Variants in AIG1 observed in about 807,000 individuals in gnomAD.
AIG1 encodes the protein androgen-induced gene 1 protein.
Under a neutral mutation model 31.4 loss-of-function variants are expected in AIG1, and 23 were observed. The observed-to-expected ratio is 0.73, with a 90% CI of 0.53 to 1.04. The LOEUF (loss-of-function observed/expected upper bound fraction) is 1.04, where lower values mean the gene tolerates loss of function less well. AIG1 is among the 50% of genes least tolerant of loss of function. AIG1 has a pLI of 0.00. For synonymous variants in AIG1, 100 were observed against 110.5 expected, an observed-to-expected ratio of 0.90 and a Z score of 0.60; for missense variants, 274 against 295.0, an observed-to-expected ratio of 0.93 and a Z score of 0.52.
At chr6:143,295,775 T>G (rs2128692487) in intron 4 of AIG1, among the ~76,000 whole-genome samples, 1 of 152,256 alleles carries the variant, frequency 6.6e-6, no homozygotes, top group East Asian at 1.9e-4. Context: ...TAGTTGAAGT[T>G]TTGTGGTTAT....
At position 143,333,623 on chromosome 6, in the gene AIG1, A is replaced by C. The variant is rs2030066472; in HGVS notation, c.679+178A>C. On this transcript the variant is annotated intron_variant, in intron 5 of 5. Transcript: ENST00000357847. This position sits in a 1 kb window ranked among gnomAD's most constrained non-coding sequence, Gnocchi z 4.6. ...TTAAGAGCTGCTGACAGTTACCTGA[A>C]AGTTTTACTAGTCACTTGGTCTTGT... Among the ~76,000 whole-genome samples the C allele has an allele frequency of 6.6e-6, 1 of 152,188 alleles. No homozygotes were observed. Among genetic ancestry groups the C allele is most frequent in the African/African-American group, 2.4e-5 (1 of 41,450 alleles).
chr6:143,196,805 T>G (rs555384577), intron 3 of AIG1, among the ~76,000 whole-genome samples: 20 of 152,260 alleles, frequency 1.3e-4, no homozygotes, highest in African/African-American at 4.8e-4. Context: ...TCTCAGTTCC[T>G]TCTCATAATT....
intron 3 of AIG1, among the ~76,000 whole-genome samples, chr6:143,276,040 C>G (rs1380475929): frequency 6.6e-6 from 1 of 152,164 alleles, no homozygotes; most frequent in East Asian, 1.9e-4. Flanking sequence ...CTGGTAATGC[C>G]ATGGCCCCTT....
intron 2 of AIG1, among the ~76,000 whole-genome samples, chr6:143,151,702 T>C (rs1785247238): frequency 6.6e-6 from 1 of 152,204 alleles, no homozygotes; most frequent in Non-Finnish European, 1.5e-5. Flanking sequence ...AGACTAAAGA[T>C]TAAATCAGAC....
chr6:143,333,287 G>A lies in AIG1; in HGVS notation c.521G>A (p.Cys174Tyr). ...TFSVGYILWVCWVHHVTGMWV... is the reference protein window; with the variant it reads ...TFSVGYILWVYWVHHVTGMWV... ...CCTTTCCGATTCTTTTGCAGGGTGTGCTGGGTGCATCATGTAACTGGCATG... is the reference window on the plus strand; with the variant it reads ...CCTTTCCGATTCTTTTGCAGGGTGTACTGGGTGCATCATGTAACTGGCATG... Residue 174 changes from cysteine (C) to tyrosine (Y), a missense_variant, in exon 5 of 6, where the codon TGC becomes TAC. By Grantham distance (194) the Cys-to-Tyr change is radical (BLOSUM62 -2). Transcript: ENST00000357847. The surrounding 1 kb of genome is among the most constrained non-coding windows in gnomAD (Gnocchi z 4.6). 1 of 1,610,648 alleles carries A rather than the reference G, an allele frequency of 6.2e-7. No individual in the cohort carries two copies.
At chr6:143,341,199 T>C (rs1461250588), downstream of AIG1, among the ~76,000 whole-genome samples, 1 of 152,048 alleles carries the variant, frequency 6.6e-6, no homozygotes, top group Non-Finnish European at 1.5e-5. Flanking sequence ...AGCTGGGACT[T>C]TTAAGTAGGA....
At chr6:143,213,708 G>T (rs1379423770) in intron 3 of AIG1, among the ~76,000 whole-genome samples, 2 of 147,052 alleles carry the variant, frequency 1.4e-5, no homozygotes, top group African/African-American at 2.5e-5. Context: ...GTAGAGACAG[G>T]GTTTCACCTT....
intron 3 of AIG1, among the ~76,000 whole-genome samples, chr6:143,277,529 TTTTA>T (rs1283336131): frequency 1.3e-5 from 2 of 152,250 alleles, no homozygotes; most frequent in Admixed American, 6.5e-5. Flanking sequence ...ACTGCCATCT[TTTTA>T]TTTATGATCC....
intron 2 of AIG1, among the ~76,000 whole-genome samples, chr6:143,143,926 G>A (rs938020557): frequency 1.3e-5 from 2 of 152,190 alleles, no homozygotes; most frequent in Admixed American, 6.5e-5. Context: ...AACTAGGTGA[G>A]TGGTCTTACA....
At chr6:143,112,150 ACC>A (rs1028069494) in intron 1 of AIG1, among the ~76,000 whole-genome samples, 3 of 151,878 alleles carry the variant, frequency 2.0e-5, no homozygotes, top group African/African-American at 7.3e-5. Flanking sequence ...TCTTGACACT[ACC>A]CCTTTTCACC....
chr6:143,320,131 T>G (rs80302169), intron 4 of AIG1, among the ~76,000 whole-genome samples: 6,965 of 152,176 alleles, frequency 0.046, 513 homozygotes, highest in African/African-American at 0.16. Flanking sequence ...TCCCCTTCAC[T>G]AATCATGAGG....
intron 1 of AIG1, among the ~76,000 whole-genome samples, chr6:143,113,297 A>G (rs990944125): frequency 6.6e-6 from 1 of 151,968 alleles, no homozygotes; most frequent in Non-Finnish European, 1.5e-5. Flanking sequence ...TTCAGATACA[A>G]TGTTAAAAAA....
chr6:143,121,178 C>T (rs1341068185), intron 1 of AIG1, among the ~76,000 whole-genome samples: 1 of 152,192 alleles, frequency 6.6e-6, no homozygotes, highest in Non-Finnish European at 1.5e-5. Flanking sequence ...TGTGAGACCC[C>T]TGATTTCCCA....
intron 1 of AIG1, among the ~76,000 whole-genome samples, chr6:143,113,935 C>T (rs774575144): frequency 9.2e-5 from 14 of 151,902 alleles, no homozygotes; most frequent in African/African-American, 2.2e-4. Flanking sequence ...CCACCACGCC[C>T]GGCTAACTTT....
intron 4 of AIG1, among the ~76,000 whole-genome samples, chr6:143,287,747 A>C (rs200936237): frequency 0.053 from 7,888 of 149,062 alleles, 472 homozygotes; most frequent in East Asian, 0.29. Context: ...TAAAAAAAAA[A>C]AAAAAAAAAA....
intron 3 of AIG1, among the ~76,000 whole-genome samples, chr6:143,243,218 G>A (rs1583604879): frequency 6.6e-6 from 1 of 152,080 alleles, no homozygotes; most frequent in Non-Finnish European, 1.5e-5. Context: ...TTTGCAGCTG[G>A]GTATGTAGGT....
At chr6:143,266,313 C>G (rs1202428964) in intron 3 of AIG1, among the ~76,000 whole-genome samples, 1 of 140,092 alleles carries the variant, frequency 7.1e-6, no homozygotes, top group Non-Finnish European at 1.5e-5. Flanking sequence ...TGCCATTGCA[C>G]TCTGGCCTGG....
Position 143,258,598 on chromosome 6 carries a change from G to A in AIG1, c.400-25512G>A, listed in dbSNP as rs1236305255. On this transcript the variant is annotated intron_variant, in intron 3 of 5. Transcript: ENST00000357847. This position sits in a 1 kb window ranked among gnomAD's most constrained non-coding sequence, Gnocchi z 4.7. ...GCTTTATTGGCAGAGAGAGAATCAA[G>A]GAGGGGCATGAAGTAGAATAGAGAA... Among the ~76,000 whole-genome samples the A allele has an allele frequency of 6.6e-6, 1 of 152,218 alleles. No individual in the cohort carries two copies. Among genetic ancestry groups the A allele is most frequent in the African/African-American group, 2.4e-5 (1 of 41,456 alleles).
At chr6:143,114,714 C>T (rs1781592712) in intron 1 of AIG1, among the ~76,000 whole-genome samples, 1 of 152,162 alleles carries the variant, frequency 6.6e-6, no homozygotes. Context: ...ATACTGTCTA[C>T]CATTATAGTA....
Sources: gnomAD v4.1 joint callset for allele counts (sites outside exome capture counted in the v4.1 genomes callset) on GRCh38, gnomAD v4.1.1 for gene constraint, Gnocchi (gnomAD v3.1) non-coding constraint, MANE v1.5 for transcripts, NCBI Gene and HGNC (gene_info 2026-07-23, HGNC 2026-07-21) for gene names.